The following LAMA1 variants were observed in gnomAD, a reference collection of about 807,000 sequenced individuals.
LAMA1 encodes laminin subunit alpha-1.
LAMA1 carries 219 observed loss-of-function variants against 348.7 expected under a neutral mutation model. That is an observed-to-expected ratio of 0.63 (90% confidence interval 0.56 to 0.70). The LOEUF is 0.70. LAMA1 is among the 30% of genes least tolerant of loss of function. LAMA1 has a pLI of 0.00. For missense variants in LAMA1, 3,744 were observed against 3,888.0 expected, an observed-to-expected ratio of 0.96 and a Z score of 0.99; for synonymous variants, 1,487 against 1,491.0, an observed-to-expected ratio of 1.00 and a Z score of 0.06.
At chr18:7,114,085 A>AG (rs1386497731) in intron 1 of LAMA1, among the ~76,000 whole-genome samples, 2 of 151,986 alleles carry the variant, frequency 1.3e-5, no homozygotes, top group East Asian at 3.9e-4. Context: ...TCAAAAAAAA[A>AG]AAAAAAAGAA....
intron 1 of LAMA1, among the ~76,000 whole-genome samples, chr18:7,116,210 C>T (rs1257481099): frequency 6.6e-6 from 1 of 152,232 alleles, no homozygotes; most frequent in Non-Finnish European, 1.5e-5. Context: ...ACCTTCAGGC[C>T]ATCTCCTCAG....
At chr18:7,042,896 A>G (rs1598294546) in intron 8 of LAMA1, 1 of 210,776 alleles carries the variant, frequency 4.7e-6, no homozygotes, top group Admixed American at 5.7e-5. Context: ...AATAAAAATT[A>G]AAAAAAAAAG....
At chr18:7,085,413 C>CTTTTTTTTTTTTTTTTTT (rs36122063) in intron 1 of LAMA1, among the ~76,000 whole-genome samples, 1 of 85,274 alleles carries the variant, frequency 1.2e-5, no homozygotes, top group African/African-American at 5.9e-5. Context: ...TCTTCTTCTT[C>CTTTTTTTTTTTTTTTTTT]TTTTTTTTTT....
In LAMA1 at chr18:6,955,466, C is replaced by CT. The variant is rs752354142; in HGVS notation, c.8095-2dup. 6.2e-7 allele frequency: 1 copy of CT among 1,612,570 alleles called. No individual in the cohort carries two copies. The highest frequency in any genetic ancestry group is 8.5e-7 in the Non-Finnish European group (1 of 1,178,648). On this transcript the variant is annotated splice_acceptor_variant, in intron 56 of 62. Coordinates refer to ENST00000389658, the MANE Select transcript of LAMA1 (RefSeq NM_005559.4). LOFTEE classifies it high-confidence loss of function. ...GAGCTGCATCCACCACACACTGTTC[C>CT]TGTAAGAGACACACAGGGACACTCA...
At chr18:7,112,146 T>G (rs978659626) in intron 1 of LAMA1, among the ~76,000 whole-genome samples, 4 of 152,176 alleles carry the variant, frequency 2.6e-5, no homozygotes, top group Non-Finnish European at 5.9e-5. Flanking sequence ...AGTAGTACAA[T>G]GCCATGAAAT....
chr18:7,080,603 G>A (rs2058189516), intron 1 of LAMA1, 146 bp from the exon 2 acceptor site: 1 of 864,996 alleles, frequency 1.2e-6, no homozygotes, highest in Non-Finnish European at 1.9e-6. Flanking sequence ...CGTATACGCA[G>A]CATGGTTTCA....
chr18:7,040,213 A>C lies in LAMA1; in HGVS notation c.1285T>G (p.Cys429Gly). ...HNGKQPGQCP[C>G]KEGYTGEKCD... ...TTTTCTCCTGTATAACCTTCCTTAC[A>C]TGGGCACTGACCTGGCTGCTTCCCT... is the stretch of plus-strand genomic sequence containing the variant. The change falls in exon 10 of 63, where the codon TGT becomes GGT. Residue 429 changes from cysteine (C) to glycine (G), a missense_variant. By Grantham distance (159) the Cys-to-Gly change is radical. Coordinates refer to ENST00000389658, the MANE Select transcript of LAMA1 (RefSeq NM_005559.4). The C allele has an allele frequency of 6.2e-7, 1 of 1,614,148 alleles. No individual in the cohort carries two copies. Among genetic ancestry groups the C allele is most frequent in the Non-Finnish European group, 8.5e-7 (1 of 1,180,026 alleles).
chr18:7,078,441 C>T (rs1012871880), intron 3 of LAMA1, among the ~76,000 whole-genome samples: 2 of 151,808 alleles, frequency 1.3e-5, no homozygotes, highest in East Asian at 2.0e-4. Context: ...GCCGGGATTA[C>T]AGGCGTGAGC....
intron 62 of LAMA1, 117 bp from the exon 63 acceptor site, chr18:6,942,356 A>G (rs1340772372): frequency 9.2e-7 from 1 of 1,087,190 alleles, no homozygotes; most frequent in South Asian, 1.5e-5. Context: ...ATTTTTCACT[A>G]TCAAAATTAG....
intron 45 of LAMA1, 106 bp downstream of exon 45, chr18:6,975,831 A>G (rs1485120444): frequency 7.4e-7 from 1 of 1,353,650 alleles, no homozygotes; most frequent in Non-Finnish European, 1.1e-6. Flanking sequence ...GGAGATTTAG[A>G]GATTTCACTA....
intron 41 of LAMA1, among the ~76,000 whole-genome samples, chr18:6,981,374 C>T (rs997847607): frequency 6.6e-6 from 1 of 152,182 alleles, no homozygotes; most frequent in African/African-American, 2.4e-5. Flanking sequence ...AGTCTCCCAC[C>T]TGCATCTCTG....
At chr18:7,071,874 G>T (rs931538171) in intron 3 of LAMA1, among the ~76,000 whole-genome samples, 1 of 152,174 alleles carries the variant, frequency 6.6e-6, no homozygotes, top group Non-Finnish European at 1.5e-5. Context: ...AGTCACAGGC[G>T]ATTATGAGAA....
At chr18:7,089,820 T>A (rs1165476076) in intron 1 of LAMA1, among the ~76,000 whole-genome samples, 2 of 152,146 alleles carry the variant, frequency 1.3e-5, no homozygotes, top group African/African-American at 4.8e-5. Context: ...GGGGAAGGAT[T>A]AAACTGAAAT....
intron 25 of LAMA1, 75 bp downstream of exon 25, chr18:7,011,225 G>T: frequency 6.7e-7 from 1 of 1,502,052 alleles, no homozygotes; most frequent in Non-Finnish European, 9.1e-7. Flanking sequence ...GGCCGGCCCA[G>T]ACTATGGTGA....
At chr18:7,079,709 T>A (rs556421607) in intron 3 of LAMA1, 1 of 488,138 alleles carries the variant, frequency 2.0e-6, no homozygotes, top group South Asian at 2.1e-5. Flanking sequence ...CCTGGATGGA[T>A]GAGTGTGCCC....
chr18:7,089,129 A>T (rs991222771), intron 1 of LAMA1, among the ~76,000 whole-genome samples: 19 of 152,170 alleles, frequency 1.2e-4, no homozygotes, highest in African/African-American at 4.3e-4. Flanking sequence ...CTGTAATCTC[A>T]GCACGTTCGG....
chr18:7,047,045 C>CTTTTTTTT (rs11312379), intron 5 of LAMA1, among the ~76,000 whole-genome samples: 3 of 133,212 alleles, frequency 2.3e-5, no homozygotes, highest in Non-Finnish European at 3.3e-5. Context: ...GCCTTGATTT[C>CTTTTTTTT]TTTTTTTTTT....
chr18:6,995,590 C>A, intron 33 of LAMA1, 144 bp from the exon 34 acceptor site: 1 of 661,264 alleles, frequency 1.5e-6, no homozygotes, highest in South Asian at 1.7e-5. Context: ...AAATGGATCA[C>A]ATTTACTTAG....
At chr18:6,979,036 G>T (rs2057696269) in intron 42 of LAMA1, among the ~76,000 whole-genome samples, 1 of 152,124 alleles carries the variant, frequency 6.6e-6, no homozygotes, top group Non-Finnish European at 1.5e-5. Context: ...AATCACAAGT[G>T]GGGCAAAACA....
Sources: gnomAD v4.1 joint callset for allele counts (sites outside exome capture counted in the v4.1 genomes callset) on GRCh38, gnomAD v4.1.1 for gene constraint, MANE v1.5 for transcripts, NCBI Gene and HGNC (gene_info 2026-07-23, HGNC 2026-07-21) for gene names.